The following NUFIP2 variants were observed in gnomAD, a reference collection of about 807,000 sequenced individuals.
NUFIP2 encodes the protein nuclear FMR1 interacting protein 2.
A neutral mutation model predicts 56.9 loss-of-function variants in NUFIP2; 6 were observed. The observed-to-expected ratio is 0.11, with a 90% CI of 0.06 to 0.21. The LOEUF is 0.21. Among genes scored for constraint, NUFIP2 ranks in the 10% least tolerant of loss-of-function variants. The probability of loss-of-function intolerance (pLI) is 1.00; values close to 1 mark genes in which losing one functional copy is unlikely to be tolerated. For missense variants in NUFIP2, 828 were observed against 826.8 expected, an observed-to-expected ratio of 1.00 and a Z score of -0.02; for synonymous variants, 321 against 298.2, an observed-to-expected ratio of 1.08 and a Z score of -0.79.
chr17:29,280,661 G>A (rs1441509985), intron 2 of NUFIP2, among the ~76,000 whole-genome samples: 1 of 151,820 alleles, frequency 6.6e-6, no homozygotes, highest in Non-Finnish European at 1.5e-5. Flanking sequence ...ATTCCAGCCT[G>A]AGTCACAGGG....
At chr17:29,277,892 A>G (rs1444725684) in intron 2 of NUFIP2, among the ~76,000 whole-genome samples, 1 of 152,098 alleles carries the variant, frequency 6.6e-6, no homozygotes, top group Non-Finnish European at 1.5e-5. Flanking sequence ...GCAAGCCTAT[A>G]ATCCCAGCTA....
At chr17:29,272,840 CTTTT>C (rs869121432) in intron 2 of NUFIP2, among the ~76,000 whole-genome samples, 5 of 129,092 alleles carry the variant, frequency 3.9e-5, no homozygotes, top group East Asian at 4.3e-4. Flanking sequence ...GTAACTGATT[CTTTT>C]TTTTTTTTCT....
chr17:29,257,435 C>T lies in NUFIP2; in HGVS notation c.*7104G>A, dbSNP rs1437411941. On this transcript the variant is annotated 3_prime_UTR_variant, in exon 4 of 4. Coordinates refer to ENST00000225388, the MANE Select transcript of NUFIP2 (RefSeq NM_020772.3). ...GAGTGTGCAAAATGCATTTCTAAAACGTAATGCAAGCAAAGCTTTCACATT... is the reference window on the plus strand; with the variant it reads ...GAGTGTGCAAAATGCATTTCTAAAATGTAATGCAAGCAAAGCTTTCACATT... 1.3e-5 allele frequency: 2 copies of T among 151,926 alleles called. No homozygotes were observed. Among genetic ancestry groups the T allele is most frequent in the Non-Finnish European group, 2.9e-5 (2 of 67,990 alleles). The allele number at this position is 151,926 out of a possible 1,614,324, so 9.4% of individuals were successfully genotyped here. A position where few individuals can be genotyped will look rare whatever the true frequency, so the allele number is the denominator to read the frequency against.
chr17:29,265,082 C>A (rs2153010657), intron 3 of NUFIP2, among the ~76,000 whole-genome samples: 1 of 152,192 alleles, frequency 6.6e-6, no homozygotes, highest in Non-Finnish European at 1.5e-5. Flanking sequence ...AGCAAAACTG[C>A]CAATTCAGTC....
At chr17:29,272,911 G>A (rs976642830) in intron 2 of NUFIP2, among the ~76,000 whole-genome samples, 1 of 151,096 alleles carries the variant, frequency 6.6e-6, no homozygotes, top group East Asian at 1.9e-4. Context: ...GAGCAGCAGT[G>A]GTGCGATCTC....
intron 3 of NUFIP2, among the ~76,000 whole-genome samples, chr17:29,265,636 ATATAT>A (rs1028674517): frequency 1.3e-4 from 19 of 146,156 alleles, no homozygotes; most frequent in South Asian, 6.3e-4. Context: ...ATTTTATTAT[ATATAT>A]TATATTATAT....
At chr17:29,287,839 T>A in intron 1 of NUFIP2, 123 bp from the exon 2 acceptor site, 1 of 969,910 alleles carries the variant, frequency 1.0e-6, no homozygotes, top group Non-Finnish European at 1.5e-6. Flanking sequence ...AGCTTTATAT[T>A]ATTTCACATC....
chr17:29,262,730 TA>T lies in NUFIP2; in HGVS notation c.*1808del, dbSNP rs869200731. 1 of 86,774 alleles carries T rather than the reference TA, an allele frequency of 1.2e-5. No homozygotes were observed. The highest frequency in any genetic ancestry group is 4.5e-4 in the East Asian group (1 of 2,240). 5.4% of individuals were successfully genotyped at this position (86,774 alleles called of 1,614,324 possible). On this transcript the variant is annotated 3_prime_UTR_variant, in exon 4 of 4. Coordinates refer to ENST00000225388, the MANE Select transcript of NUFIP2 (RefSeq NM_020772.3). ...CCTGGACTGATACAATAAGTTATTT[TA>T]TATATATATATATATATTATGTATA... is the stretch of plus-strand genomic sequence containing the variant.
At chr17:29,274,847 A>G (rs1419640439) in intron 2 of NUFIP2, among the ~76,000 whole-genome samples, 4 of 152,124 alleles carry the variant, frequency 2.6e-5, no homozygotes, top group Non-Finnish European at 4.4e-5. Flanking sequence ...TGCGAGATAG[A>G]AAAGAAAAAA....
In NUFIP2 at chr17:29,291,059, G is replaced by T. The variant is rs373529372; in HGVS notation, c.277+2724C>A. Among the ~76,000 whole-genome samples, 9 of 142,806 alleles carry T rather than the reference G, an allele frequency of 6.3e-5. No individual in the cohort carries two copies. In the South Asian group the frequency reaches 1.8e-3, roughly 28 times the overall value. 93.7% of individuals were successfully genotyped at this position (142,806 alleles called of 152,430 possible). On this transcript the variant is annotated intron_variant, in intron 1 of 3. Coordinates refer to ENST00000225388, the MANE Select transcript of NUFIP2 (RefSeq NM_020772.3). ...ACAAAAAAAAAAAAAAAAAAGAAAA[G>T]AAAATCTTGTTTAACTACATAAAGT...
chr17:29,290,663 AAAAAGAAAG>A (rs1567682793), intron 1 of NUFIP2, among the ~76,000 whole-genome samples: 6 of 144,568 alleles, frequency 4.2e-5, no homozygotes, highest in Admixed American at 6.8e-5. Flanking sequence ...CAAAAAAAAA[AAAAAGAAAG>A]AAAGAAAGAA....
intron 2 of NUFIP2, 31 bp downstream of exon 2, chr17:29,285,961 A>C: frequency 6.5e-7 from 1 of 1,541,658 alleles, no homozygotes; most frequent in Non-Finnish European, 8.8e-7. Context: ...TTGGCCAATA[A>C]AAATCTTTGT....
chr17:29,284,706 C>CA (rs66700326), intron 2 of NUFIP2, among the ~76,000 whole-genome samples: 26,154 of 53,792 alleles, frequency 0.49, 5,702 homozygotes, highest in East Asian at 0.54. Context: ...GACTCCATCT[C>CA]AAAAAAAAAA....
At chr17:29,271,987 C>T (rs2069075820) in intron 2 of NUFIP2, among the ~76,000 whole-genome samples, 1 of 147,304 alleles carries the variant, frequency 6.8e-6, no homozygotes, top group Non-Finnish European at 1.5e-5. Context: ...ACAGGAGAAT[C>T]ACTTGAACCC....
intron 1 of NUFIP2, among the ~76,000 whole-genome samples, chr17:29,291,145 ATAG>A: frequency 6.6e-6 from 1 of 152,192 alleles, no homozygotes; most frequent in Admixed American, 6.5e-5. Context: ...TTCTTTTTAA[ATAG>A]TAGATATTTA....
Position 29,267,381 on chromosome 17 carries a change from A to C in NUFIP2, c.2035+117T>G, listed in dbSNP as rs982449476. 1.1e-4 allele frequency: 66 copies of C among 618,568 alleles called. No homozygotes were observed. The Admixed American group carries it at 1.1e-3, about 11-fold the overall frequency. The allele number at this position is 618,568 out of a possible 1,614,324, so 38.3% of individuals were successfully genotyped here. A position where few individuals can be genotyped will look rare whatever the true frequency, so the allele number is the denominator to read the frequency against. On this transcript the variant is annotated intron_variant, in intron 3 of 3. Coordinates refer to ENST00000225388, the MANE Select transcript of NUFIP2 (RefSeq NM_020772.3). ...TAGTGCCTTTTGATTGCAGTTATTAAATAACTCAAAATACAAAGTCTATTT... is the reference window on the plus strand; with the variant it reads ...TAGTGCCTTTTGATTGCAGTTATTACATAACTCAAAATACAAAGTCTATTT...
At chr17:29,279,687 A>C (rs939667137) in intron 2 of NUFIP2, among the ~76,000 whole-genome samples, 1 of 152,028 alleles carries the variant, frequency 6.6e-6, no homozygotes, top group African/African-American at 2.4e-5. Flanking sequence ...TAATGCTTCA[A>C]ATTTTTTTGT....
intron 2 of NUFIP2, among the ~76,000 whole-genome samples, chr17:29,273,363 G>A (rs2069087804): frequency 1.3e-5 from 2 of 151,832 alleles, no homozygotes; most frequent in African/African-American, 4.8e-5. Flanking sequence ...AGTAGAGACA[G>A]GTTCCGCCAT....
chr17:29,290,768 T>A (rs147712749), intron 1 of NUFIP2, among the ~76,000 whole-genome samples: 2 of 152,180 alleles, frequency 1.3e-5, no homozygotes, highest in Non-Finnish European at 2.9e-5. Flanking sequence ...TAACTCTGGA[T>A]AAGACCTACC....
Sources: gnomAD v4.1 joint callset for allele counts (sites outside exome capture counted in the v4.1 genomes callset) on GRCh38, gnomAD v4.1.1 for gene constraint, MANE v1.5 for transcripts, NCBI Gene and HGNC (gene_info 2026-07-23, HGNC 2026-07-21) for gene names.